Variants in MARCHF1 observed in about 807,000 individuals in gnomAD.
MARCHF1 encodes the protein membrane associated ring-CH-type finger 1.
MARCHF1 carries 40 observed loss-of-function variants against 54.2 expected under a neutral mutation model. The ratio of observed to expected loss-of-function variants is 0.74; its 90% CI spans 0.57 to 0.96. The LOEUF is 0.96. MARCHF1 is among the 40% of genes least tolerant of loss of function. MARCHF1 has a pLI of 0.00. For synonymous variants in MARCHF1, 236 were observed against 236.3 expected (o/e 1.00, Z 0.01); for missense variants, 586 against 656.5 (o/e 0.89, Z 1.17).
At chr4:164,208,947 T>C (rs1166226036) in intron 1 of MARCHF1, among the ~76,000 whole-genome samples, 1 of 151,798 alleles carries the variant, frequency 6.6e-6, no homozygotes, top group African/African-American at 2.4e-5. Flanking sequence ...CCTGTTTCTC[T>C]GTCTCTGTCT....
Position 163,525,002 on chromosome 4 carries a change from A to T in MARCHF1, c.*3746T>A, listed in dbSNP as rs940499332. 8 of 152,152 alleles carry T rather than the reference A, an allele frequency of 5.3e-5. No individual in the cohort carries two copies. The highest frequency in any genetic ancestry group is 1.9e-4 in the African/African-American group (8 of 41,440). 9.4% of individuals were successfully genotyped at this position (152,152 alleles called of 1,614,324 possible). On this transcript the variant is annotated 3_prime_UTR_variant, in exon 10 of 10. Coordinates refer to ENST00000514618, the MANE Select transcript of MARCHF1 (RefSeq NM_001394959.1). ...ACAGTACTTCCTTTCAACTGTGTTG[A>T]TATGTAAAATAGCACCATTGGGCTG...
chr4:164,231,321 C>T (rs1264231342), intron 1 of MARCHF1, among the ~76,000 whole-genome samples: 1 of 151,932 alleles, frequency 6.6e-6, no homozygotes, highest in Non-Finnish European at 1.5e-5. Context: ...CAAAATATGG[C>T]TTCTTTCATA....
rs143870141 is a variant in MARCHF1, at chr4:163,907,035, T to C, written c.-38-52866A>G. 3.4e-3 allele frequency among the ~76,000 whole-genome samples: 517 copies of C among 152,162 alleles called. 4 individuals are homozygous for C. The highest frequency in any genetic ancestry group is 0.014 in the Middle Eastern group (4 of 294). ...CCTTTTTAAACCTTAGTGTCAAAAA[T>C]GATGGTATTTCTTCAGTAACATGTA... On this transcript the variant is annotated intron_variant, in intron 3 of 9. Transcript: ENST00000514618.
At chr4:164,211,029 G>T (rs1313721880) in intron 1 of MARCHF1, among the ~76,000 whole-genome samples, 1 of 151,942 alleles carries the variant, frequency 6.6e-6, no homozygotes, top group African/African-American at 2.4e-5. Flanking sequence ...GCAGAGAGTA[G>T]AACAGTAGTT....
intron 5 of MARCHF1, among the ~76,000 whole-genome samples, chr4:163,646,856 A>C (rs142836641): frequency 5.3e-5 from 8 of 152,112 alleles, no homozygotes; most frequent in African/African-American, 1.9e-4. Context: ...AGAACAAAAG[A>C]TCCACAAAAC....
intron 9 of MARCHF1, among the ~76,000 whole-genome samples, chr4:163,541,887 CCT>C (rs1164830865): frequency 6.6e-6 from 1 of 152,198 alleles, no homozygotes; most frequent in Non-Finnish European, 1.5e-5. Flanking sequence ...TGCCCACACT[CCT>C]CTTCAATGTG....
chr4:164,282,659 A>G (rs1734054202), intron 1 of MARCHF1, among the ~76,000 whole-genome samples: 1 of 151,176 alleles, frequency 6.6e-6, no homozygotes, highest in Admixed American at 6.7e-5. Context: ...TTCCAGGTGG[A>G]AGGAACACAA....
chr4:163,536,359 T>A (rs981986200), intron 9 of MARCHF1, among the ~76,000 whole-genome samples: 1 of 152,170 alleles, frequency 6.6e-6, no homozygotes, highest in Non-Finnish European at 1.5e-5. Flanking sequence ...GTCTCCGATC[T>A]TTTTTCTTTC....
At chr4:164,112,924 T>A (rs1755864284) in intron 1 of MARCHF1, among the ~76,000 whole-genome samples, 1 of 150,188 alleles carries the variant, frequency 6.7e-6, no homozygotes. Context: ...GTATTACAAT[T>A]TTTAAATAAA....
intron 1 of MARCHF1, among the ~76,000 whole-genome samples, chr4:164,301,051 T>C (rs1734545660): frequency 6.6e-6 from 1 of 151,656 alleles, no homozygotes; most frequent in Non-Finnish European, 1.5e-5. Flanking sequence ...AAAGATGCTA[T>C]TTTTTTTAAA....
At chr4:163,923,813 C>T (rs1192270032) in intron 3 of MARCHF1, among the ~76,000 whole-genome samples, 5 of 150,902 alleles carry the variant, frequency 3.3e-5, no homozygotes, top group Non-Finnish European at 5.9e-5. Flanking sequence ...TTAAATCACC[C>T]GCATCTTACA....
At chr4:164,120,228 G>C (rs1459907413) in intron 1 of MARCHF1, among the ~76,000 whole-genome samples, 1 of 151,932 alleles carries the variant, frequency 6.6e-6, no homozygotes, top group Non-Finnish European at 1.5e-5. Context: ...ACTGTAAGAA[G>C]AGACAAAAAG....
At chr4:163,817,318 C>CAT (rs1215220057) in intron 4 of MARCHF1, among the ~76,000 whole-genome samples, 3 of 149,094 alleles carry the variant, frequency 2.0e-5, no homozygotes, top group African/African-American at 7.4e-5. Flanking sequence ...TATATATGTA[C>CAT]ATATACACAT....
At chr4:164,192,555 G>A (rs1181868175) in intron 1 of MARCHF1, among the ~76,000 whole-genome samples, 1 of 152,040 alleles carries the variant, frequency 6.6e-6, no homozygotes, top group Admixed American at 6.6e-5. Context: ...AGAATAAAGT[G>A]GGCTCCTCTT....
intron 1 of MARCHF1, among the ~76,000 whole-genome samples, chr4:164,127,830 T>C (rs1484264590): frequency 1.3e-5 from 2 of 152,128 alleles, no homozygotes; most frequent in Non-Finnish European, 2.9e-5. Context: ...CTAAAGTATT[T>C]TCCTTCTAAA....
intron 1 of MARCHF1, among the ~76,000 whole-genome samples, chr4:164,297,616 T>C (rs80036171): frequency 0.029 from 4,362 of 152,102 alleles, 129 homozygotes; most frequent in East Asian, 0.15. Context: ...CTAGGTGGGA[T>C]TGTGGATTAG....
chr4:164,154,498 G>C (rs1397380655), intron 1 of MARCHF1, among the ~76,000 whole-genome samples: 1 of 152,182 alleles, frequency 6.6e-6, no homozygotes, highest in Non-Finnish European at 1.5e-5. Flanking sequence ...TACTCATTGT[G>C]AAACAGGAGA....
intron 2 of MARCHF1, among the ~76,000 whole-genome samples, chr4:164,066,900 G>A (rs1429856077): frequency 6.6e-6 from 1 of 151,844 alleles, no homozygotes. Context: ...GAGAGGATCA[G>A]GAAAAACAAC....
chr4:164,101,773 G>C (rs1249397137), intron 2 of MARCHF1, among the ~76,000 whole-genome samples: 3 of 148,708 alleles, frequency 2.0e-5, no homozygotes, highest in African/African-American at 7.4e-5. Flanking sequence ...GAATGACTTT[G>C]ACGAGCTGAG....
Sources: allele counts gnomAD v4.1 joint callset (sites outside exome capture counted in the v4.1 genomes callset), GRCh38; gene constraint gnomAD v4.1.1; transcripts MANE v1.5; gene names NCBI Gene and HGNC (gene_info 2026-07-23, HGNC 2026-07-21).